Variants in PRKCB observed in about 807,000 individuals in gnomAD.
The protein encoded by PRKCB is protein kinase C beta, also known as protein kinase C beta type.
A neutral mutation model predicts 81.5 loss-of-function variants in PRKCB; 13 were observed. The ratio of observed to expected loss-of-function variants is 0.16; its 90% CI spans 0.10 to 0.25. The LOEUF (loss-of-function observed/expected upper bound fraction) is 0.25. Among genes scored for constraint, PRKCB ranks in the 10% least tolerant of loss-of-function variants. PRKCB has a pLI of 1.00. For missense variants in PRKCB, 509 were observed against 875.7 expected (o/e 0.58, Z 5.29); for synonymous variants, 335 against 321.4 (o/e 1.04, Z -0.45).
chr16:24,205,363 C>T (rs1968030023), intron 16 of PRKCB, among the ~76,000 whole-genome samples: 3 of 151,602 alleles, frequency 2.0e-5, no homozygotes, highest in Admixed American at 2.0e-4. Flanking sequence ...CTATGTTGCC[C>T]AGGCTGGTCT....
chr16:24,008,579 T>G (rs1250948186), intron 3 of PRKCB, among the ~76,000 whole-genome samples: 2 of 152,142 alleles, frequency 1.3e-5, no homozygotes, highest in Admixed American at 6.5e-5. Flanking sequence ...CAGAAGCCCT[T>G]CTTTGCTCCT....
At chr16:23,903,245 G>A (rs1158001502) in intron 2 of PRKCB, among the ~76,000 whole-genome samples, 1 of 145,382 alleles carries the variant, frequency 6.9e-6, no homozygotes, top group East Asian at 2.1e-4. Context: ...AGTAGGATCC[G>A]GAAGGGAACT....
At chr16:23,864,378 G>A (rs978265296) in intron 2 of PRKCB, among the ~76,000 whole-genome samples, 7 of 152,154 alleles carry the variant, frequency 4.6e-5, no homozygotes, top group African/African-American at 1.7e-4. Context: ...GATCACTTGA[G>A]CCCAGGATCT....
intron 9 of PRKCB, among the ~76,000 whole-genome samples, chr16:24,137,976 T>C (rs1966870894): frequency 6.6e-6 from 1 of 152,204 alleles, no homozygotes; most frequent in Non-Finnish European, 1.5e-5. Flanking sequence ...TGGGAACTCA[T>C]CTGAGTGTTT....
chr16:24,146,392 A>G (rs1285067648), intron 9 of PRKCB, among the ~76,000 whole-genome samples: 1 of 152,238 alleles, frequency 6.6e-6, no homozygotes, highest in Non-Finnish European at 1.5e-5. Context: ...ACTTTATCCC[A>G]TAAAACTCTC....
chr16:24,171,749 T>A (rs1215366672), intron 10 of PRKCB, among the ~76,000 whole-genome samples: 3 of 151,986 alleles, frequency 2.0e-5, no homozygotes, highest in South Asian at 2.1e-4. Context: ...TATTATTATT[T>A]TTGAAATGGA....
intron 10 of PRKCB, among the ~76,000 whole-genome samples, chr16:24,167,489 G>C (rs1967365341): frequency 1.3e-5 from 2 of 152,074 alleles, no homozygotes. Context: ...GAGCCTGGGA[G>C]GTTGAGGCTG....
At chr16:23,840,069 A>G (rs972514219) in intron 2 of PRKCB, among the ~76,000 whole-genome samples, 5 of 152,310 alleles carry the variant, frequency 3.3e-5, no homozygotes, top group Admixed American at 1.3e-4. Context: ...GCAGATTGGC[A>G]GTCCCTGAAA....
intron 5 of PRKCB, among the ~76,000 whole-genome samples, chr16:24,071,991 T>C (rs74625933): frequency 0.015 from 2,348 of 152,176 alleles, 57 homozygotes; most frequent in African/African-American, 0.054. Flanking sequence ...GTTTGCTACT[T>C]GTTTATGGGC....
Position 24,218,394 on chromosome 16 carries a change from G to A in PRKCB, c.*3578G>A, listed in dbSNP as rs150831990. ...AACAGCAAGCAGGACAAGACAAAAAGGGCAGGTGGGACATGGTAGAGATGG... is the reference window on the plus strand; with the variant it reads ...AACAGCAAGCAGGACAAGACAAAAAAGGCAGGTGGGACATGGTAGAGATGG... On this transcript the variant is annotated 3_prime_UTR_variant, in exon 17 of 17. Transcript: ENST00000643927. The A allele has an allele frequency of 2.3e-5, 23 of 985,216 alleles. 1 individual carries two copies. The East Asian group carries it at 2.5e-3, about 107-fold the overall frequency. 61.0% of individuals were successfully genotyped at this position (985,216 alleles called of 1,614,324 possible). A position where few individuals can be genotyped will look rare whatever the true frequency, so the allele number is the denominator to read the frequency against.
At chr16:23,949,921 C>T (rs1205838272) in intron 2 of PRKCB, among the ~76,000 whole-genome samples, 2 of 152,286 alleles carry the variant, frequency 1.3e-5, no homozygotes, top group South Asian at 4.1e-4. Flanking sequence ...GGTCCAGCCA[C>T]CCACACCTCT....
intron 5 of PRKCB, among the ~76,000 whole-genome samples, chr16:24,087,998 A>G (rs1193158093): frequency 6.6e-6 from 1 of 152,192 alleles, no homozygotes; most frequent in Non-Finnish European, 1.5e-5. Context: ...CTCTGTGTGA[A>G]GCATTTGGTA....
chr16:24,025,527 TATA>T (rs1417692250), intron 3 of PRKCB, among the ~76,000 whole-genome samples: 2 of 152,162 alleles, frequency 1.3e-5, no homozygotes, highest in African/African-American at 4.8e-5. Context: ...GCCCTGAGAG[TATA>T]ATGATGAGCA....
chr16:24,217,096 GGAAA>G lies in PRKCB; in HGVS notation c.*2288_*2291del. 9 of 976,010 alleles carry G rather than the reference GGAAA, an allele frequency of 9.2e-6. No homozygotes were observed. The highest frequency in any genetic ancestry group is 1.1e-5 in the Non-Finnish European group (9 of 827,514). 60.5% of individuals were successfully genotyped at this position (976,010 alleles called of 1,614,324 possible). ...TAGGATGAATGGAAAGAGAAAGAAA[GGAAA>G]GAAAGAAGAAAAAGAAAGAAGGAAA... On this transcript the variant is annotated 3_prime_UTR_variant, in exon 17 of 17. Transcript: ENST00000643927.
At chr16:24,012,521 C>T (rs1373061187) in intron 3 of PRKCB, among the ~76,000 whole-genome samples, 1 of 152,222 alleles carries the variant, frequency 6.6e-6, no homozygotes, top group Non-Finnish European at 1.5e-5. Context: ...GTCTCACTGG[C>T]CTACCCTTTC....
At chr16:24,086,566 C>G (rs533982177) in intron 5 of PRKCB, among the ~76,000 whole-genome samples, 2 of 152,264 alleles carry the variant, frequency 1.3e-5, no homozygotes, top group African/African-American at 4.8e-5. Context: ...CCTATAAACT[C>G]TTTGGAGGAA....
chr16:23,938,163 C>G (rs1964087803), intron 2 of PRKCB, among the ~76,000 whole-genome samples: 1 of 152,320 alleles, frequency 6.6e-6, no homozygotes, highest in Admixed American at 6.5e-5. Context: ...CTGGCAGACA[C>G]AGGGCCTGGA....
chr16:24,146,036 G>A (rs961520317), intron 9 of PRKCB, among the ~76,000 whole-genome samples: 1 of 152,180 alleles, frequency 6.6e-6, no homozygotes, highest in African/African-American at 2.4e-5. Context: ...TTTGGATACC[G>A]ACAGAACACA....
chr16:24,033,591 A>T (rs899267003), intron 4 of PRKCB, among the ~76,000 whole-genome samples: 9 of 151,994 alleles, frequency 5.9e-5, no homozygotes, highest in Admixed American at 1.3e-4. Context: ...GCAAAACCCA[A>T]TCTCTACTAA....
Sources: gnomAD v4.1 joint callset for allele counts (sites outside exome capture counted in the v4.1 genomes callset) on GRCh38, gnomAD v4.1.1 for gene constraint, MANE v1.5 for transcripts, NCBI Gene and HGNC (gene_info 2026-07-23, HGNC 2026-07-21) for gene names.